CTIF: variants seen among roughly 807,000 people sequenced by gnomAD.
CTIF encodes cap binding complex dependent translation initiation factor.
CTIF carries 21 observed loss-of-function variants against 66.0 expected under a neutral mutation model. The observed-to-expected ratio is 0.32, with a 90% CI of 0.23 to 0.46. The LOEUF is 0.46. Among genes scored for constraint, CTIF ranks in the 20% least tolerant of loss-of-function variants. The pLI, the probability that CTIF is intolerant of heterozygous loss-of-function variation, is 1.00. For missense variants in CTIF, 739 were observed against 812.7 expected, an observed-to-expected ratio of 0.91 and a Z score of 1.10; for synonymous variants, 345 against 326.4, an observed-to-expected ratio of 1.06 and a Z score of -0.62.
rs769095834 is a variant in CTIF at position 48,859,838 on chromosome 18, C to T, written c.*279C>T. On this transcript the variant is annotated 3_prime_UTR_variant, in exon 12 of 12. Transcript: ENST00000256413. ...CCCTGGCCCTCCCCTTCCTCACTCC[C>T]GCCTCTCCCCTCCCCATCAGACCCA... The T allele has an allele frequency of 1.6e-5, 10 of 610,200 alleles. No homozygotes were observed. Among genetic ancestry groups the T allele is most frequent in the East Asian group, 3.5e-5 (1 of 28,770 alleles). 37.8% of individuals were successfully genotyped at this position (610,200 alleles called of 1,614,324 possible).
chr18:48,626,063 G>A (rs563837636), intron 2 of CTIF, among the ~76,000 whole-genome samples: 12 of 141,462 alleles, frequency 8.5e-5, no homozygotes, highest in African/African-American at 3.2e-4. Context: ...GTGTAGTGGC[G>A]CGATCTCAGC....
At chr18:48,709,539 G>A (rs1190739325) in intron 6 of CTIF, among the ~76,000 whole-genome samples, 1 of 152,224 alleles carries the variant, frequency 6.6e-6, no homozygotes, top group South Asian at 2.1e-4. Flanking sequence ...CCCTCTGCCC[G>A]GCCTCAGAGC....
intron 10 of CTIF, among the ~76,000 whole-genome samples, chr18:48,822,340 C>CT (rs1297855599): frequency 1.3e-5 from 2 of 152,072 alleles, no homozygotes; most frequent in Non-Finnish European, 2.9e-5. Context: ...ATTTCTATGT[C>CT]TTAGGGACAT....
intron 2 of CTIF, among the ~76,000 whole-genome samples, chr18:48,621,019 G>A (rs920707826): frequency 1.3e-5 from 2 of 152,100 alleles, no homozygotes; most frequent in Non-Finnish European, 2.9e-5. Flanking sequence ...GTGTCCTTGA[G>A]GTTCTAAAAT....
At chr18:48,789,604 A>G (rs2067748510) in intron 9 of CTIF, among the ~76,000 whole-genome samples, 1 of 152,196 alleles carries the variant, frequency 6.6e-6, no homozygotes, top group East Asian at 1.9e-4. Context: ...ATGGACTAGA[A>G]TACTCAGTAT....
intron 9 of CTIF, among the ~76,000 whole-genome samples, chr18:48,766,681 C>T (rs1054380789): frequency 6.6e-6 from 1 of 152,196 alleles, no homozygotes; most frequent in African/African-American, 2.4e-5. Flanking sequence ...TGTCATGCCG[C>T]GAACCAGTCA....
chr18:48,787,681 C>T (rs978179955), intron 9 of CTIF, among the ~76,000 whole-genome samples: 7 of 152,306 alleles, frequency 4.6e-5, no homozygotes, highest in Middle Eastern at 3.4e-3. Flanking sequence ...AGCCTCATCA[C>T]GCATTCCATC....
intron 10 of CTIF, among the ~76,000 whole-genome samples, chr18:48,819,931 C>T (rs535255054): frequency 6.6e-6 from 1 of 152,284 alleles, no homozygotes; most frequent in Non-Finnish European, 1.5e-5. Flanking sequence ...GGTGGCAAGG[C>T]ATGGAGAGAC....
Position 48,603,036 on chromosome 18 carries a change from G to A in CTIF, c.-28-16502G>A, listed in dbSNP as rs150823562. ...AGATGAATAGATGGGTGGATGGATGGATAGATGGATGTATGGATGGATAAG... is the reference window on the plus strand; with the variant it reads ...AGATGAATAGATGGGTGGATGGATGAATAGATGGATGTATGGATGGATAAG... On this transcript the variant is annotated intron_variant, in intron 1 of 11. Transcript: ENST00000256413. Among the ~76,000 whole-genome samples, 118 of 151,260 alleles carry A rather than the reference G, an allele frequency of 7.8e-4. 2 individuals are homozygous for A. In the South Asian group the frequency reaches 0.019, roughly 25 times the overall value.
At chr18:48,647,607 T>C (rs2091068789) in intron 3 of CTIF, among the ~76,000 whole-genome samples, 1 of 152,234 alleles carries the variant, frequency 6.6e-6, no homozygotes, top group South Asian at 2.1e-4. Flanking sequence ...TTGTAAAAAG[T>C]ATAAAAAGTG....
chr18:48,645,572 TC>T (rs2091015152), intron 3 of CTIF, among the ~76,000 whole-genome samples: 1 of 152,174 alleles, frequency 6.6e-6, no homozygotes, highest in Non-Finnish European at 1.5e-5. Context: ...GCTGTGACTT[TC>T]GTCCCCGCCA....
rs151269867 is a variant in CTIF at position 48,741,610 on chromosome 18, G to A, written c.585-16309G>A. Among the ~76,000 whole-genome samples, 618 of 151,908 alleles carry A rather than the reference G, an allele frequency of 4.1e-3. 4 individuals carry two copies. The highest frequency in any genetic ancestry group is 0.013 in the African/African-American group (559 of 41,414). ...GCTAATTTTTTTGTATTTTTAGTAGGGATGAGATTTTGCCATGTTGGCCAG... is the reference window on the plus strand; with the variant it reads ...GCTAATTTTTTTGTATTTTTAGTAGAGATGAGATTTTGCCATGTTGGCCAG... On this transcript the variant is annotated intron_variant, in intron 7 of 11. Coordinates refer to ENST00000256413, the MANE Select transcript of CTIF (RefSeq NM_014772.3).
chr18:48,681,775 T>C (rs368772889), intron 6 of CTIF, among the ~76,000 whole-genome samples: 75 of 150,718 alleles, frequency 5.0e-4, no homozygotes, highest in African/African-American at 1.8e-3. Context: ...ACCTGGTTTT[T>C]GTTTGTTTGT....
intron 1 of CTIF, among the ~76,000 whole-genome samples, chr18:48,614,113 A>G (rs2090356196): frequency 6.6e-6 from 1 of 152,150 alleles, no homozygotes; most frequent in Non-Finnish European, 1.5e-5. Flanking sequence ...TCATTAAAAC[A>G]TAAATTCCTG....
At chr18:48,658,990 A>G (rs2091292752) in intron 3 of CTIF, among the ~76,000 whole-genome samples, 1 of 152,158 alleles carries the variant, frequency 6.6e-6, no homozygotes, top group Non-Finnish European at 1.5e-5. Flanking sequence ...CCACCTCAGC[A>G]TCAAGGGACA....
chr18:48,716,549 T>TC (rs2092283660), intron 7 of CTIF, among the ~76,000 whole-genome samples: 1 of 151,926 alleles, frequency 6.6e-6, no homozygotes, highest in Non-Finnish European at 1.5e-5. Context: ...AGCCAGGGAT[T>TC]CCCCACATCC....
At chr18:48,681,763 A>G (rs2091746786) in intron 6 of CTIF, among the ~76,000 whole-genome samples, 1 of 151,650 alleles carries the variant, frequency 6.6e-6, no homozygotes, top group Admixed American at 6.6e-5. Flanking sequence ...TGCCTGCCCC[A>G]CACCTGGTTT....
intron 1 of CTIF, among the ~76,000 whole-genome samples, chr18:48,585,713 C>T (rs190354638): frequency 2.0e-5 from 3 of 152,318 alleles, no homozygotes; most frequent in South Asian, 4.1e-4. Context: ...CATCCAAGCA[C>T]TGCAATATAC....
chr18:48,642,252 G>C (rs575743589), intron 3 of CTIF, among the ~76,000 whole-genome samples: 1 of 152,232 alleles, frequency 6.6e-6, no homozygotes, highest in African/African-American at 2.4e-5. Flanking sequence ...CAACATACAC[G>C]TAAGATCCCC....
Sources: gnomAD v4.1 joint callset for allele counts (sites outside exome capture counted in the v4.1 genomes callset) on GRCh38, gnomAD v4.1.1 for gene constraint, MANE v1.5 for transcripts, NCBI Gene and HGNC (gene_info 2026-07-23, HGNC 2026-07-21) for gene names.